The following FYB2 variants were observed in gnomAD, a reference collection of about 807,000 sequenced individuals.
FYB2 encodes the protein FYN-binding protein 2.
A neutral mutation model predicts 94.1 loss-of-function variants in FYB2; 103 were observed. The observed-to-expected ratio is 1.09, with a 90% confidence interval of 0.93 to 1.29. FYB2 has a LOEUF of 1.29. Ranked by LOEUF, FYB2 falls within the 50% of genes most tolerant of loss-of-function variation. FYB2 has a pLI of 0.00. For missense variants in FYB2, 896 were observed against 841.5 expected, an observed-to-expected ratio of 1.06 and a Z score of -0.80; for synonymous variants, 293 against 287.9, an observed-to-expected ratio of 1.02 and a Z score of -0.18.
intron 19 of FYB2, 75 bp from the exon 20 acceptor site, chr1:56,719,767 A>AGAAGTTTGATAGCATACTCAGGAGAGAC (rs1644450039): frequency 7.7e-7 from 1 of 1,298,524 alleles, no homozygotes. Flanking sequence ...ATTTCTAGGG[A>AGAAGTTTGATAGCATACTCAGGAGAGAC]ATTTCTGATC....
chr1:56,724,120 A>G (rs2275732), intron 16 of FYB2, among the ~76,000 whole-genome samples: 14,314 of 151,752 alleles, frequency 0.094, 1,525 homozygotes, highest in African/African-American at 0.26. Context: ...AGACTATTTA[A>G]TGGAAACCAG....
chr1:56,823,263 C>T (rs1487962302), upstream of FYB2, among the ~76,000 whole-genome samples: 1 of 151,912 alleles, frequency 6.6e-6, no homozygotes, highest in Non-Finnish European at 1.5e-5. Context: ...TCCTCCATTC[C>T]ATGGCGGCTG....
chr1:56,743,975 A>G, intron 11 of FYB2, 51 bp downstream of exon 11: 4 of 1,556,190 alleles, frequency 2.6e-6, no homozygotes, highest in Non-Finnish European at 3.5e-6. Flanking sequence ...CAGCCATAGA[A>G]GCATTCTGCA....
chr1:56,724,448 T>C (rs1644547257), intron 16 of FYB2, among the ~76,000 whole-genome samples: 1 of 151,870 alleles, frequency 6.6e-6, no homozygotes, highest in African/African-American at 2.4e-5. Context: ...TTAGTCTTAT[T>C]CCTAAGTGTC....
chr1:56,810,852 T>C (rs1433768366), intron 1 of FYB2, among the ~76,000 whole-genome samples: 2 of 152,350 alleles, frequency 1.3e-5, no homozygotes, highest in East Asian at 3.9e-4. Context: ...TTCTGATTTT[T>C]TGGAAGGGAG....
At chr1:56,763,961 T>A (rs1374683198) in intron 5 of FYB2, among the ~76,000 whole-genome samples, 2 of 152,036 alleles carry the variant, frequency 1.3e-5, no homozygotes, top group Non-Finnish European at 2.9e-5. Context: ...CTATTTTTTT[T>A]TTTTTTTAGA....
chr1:56,744,990 A>T (rs965751940), intron 9 of FYB2, among the ~76,000 whole-genome samples: 2 of 152,200 alleles, frequency 1.3e-5, no homozygotes, highest in Non-Finnish European at 2.9e-5. Flanking sequence ...ACTGGTATCT[A>T]TTAATTAAAT....
At chr1:56,795,296 C>T (rs1646370195) in intron 1 of FYB2, among the ~76,000 whole-genome samples, 1 of 151,528 alleles carries the variant, frequency 6.6e-6, no homozygotes, top group Admixed American at 6.6e-5. Context: ...CATGTTGAAG[C>T]ATGTGTTAGA....
At chr1:56,755,228 T>C (rs529191978) in intron 7 of FYB2, among the ~76,000 whole-genome samples, 110 of 152,104 alleles carry the variant, frequency 7.2e-4, no homozygotes, top group South Asian at 3.7e-3. Context: ...TGGCCCTACA[T>C]ACAAGGAGCT....
chr1:56,787,567 T>C (rs1196379756), intron 3 of FYB2, among the ~76,000 whole-genome samples: 2 of 152,242 alleles, frequency 1.3e-5, no homozygotes, highest in African/African-American at 4.8e-5. Flanking sequence ...CTTGGACATT[T>C]ACAGAGCACT....
At chr1:56,757,895 G>T (rs1193579494) in intron 6 of FYB2, among the ~76,000 whole-genome samples, 1 of 149,444 alleles carries the variant, frequency 6.7e-6, no homozygotes, top group Non-Finnish European at 1.5e-5. Flanking sequence ...TCAGCCTCTC[G>T]AGTAGCTGGG....
At position 56,720,104 on chromosome 1, in the gene FYB2, T is replaced by C. The variant is rs76825819; in HGVS notation, c.2132-49A>G. On this transcript the variant is annotated intron_variant, in intron 18 of 19. Transcript: ENST00000343433. ...TAATTTGAAAGTTATAGAGAAAATG[T>C]TTTTTTAAAGCATTTTAAGATTTTT... is the stretch of plus-strand genomic sequence containing the variant. 1,170 of 1,588,694 alleles carry C rather than the reference T, an allele frequency of 7.4e-4. 10 individuals carry two copies. The African/African-American group carries it at 0.014, about 19-fold the overall frequency.
intron 4 of FYB2, among the ~76,000 whole-genome samples, chr1:56,786,821 C>T (rs6658389): frequency 0.18 from 27,117 of 152,062 alleles, 2,846 homozygotes; most frequent in East Asian, 0.48. Context: ...ATAGAACATC[C>T]TTTATCCTAT....
chr1:56,757,687 C>CTTCTTTCT (rs1191302491), intron 6 of FYB2, among the ~76,000 whole-genome samples: 2,767 of 71,784 alleles, frequency 0.039, 87 homozygotes, highest in Non-Finnish European at 0.053. Context: ...TCCTTCCTTC[C>CTTCTTTCT]TTCTTTCTTT....
chr1:56,785,460 T>A (rs990300234), intron 4 of FYB2, among the ~76,000 whole-genome samples: 1 of 152,202 alleles, frequency 6.6e-6, no homozygotes, highest in African/African-American at 2.4e-5. Context: ...TAAATACGCA[T>A]AGAACACGTC....
chr1:56,819,484 G>T (rs141496515), upstream of FYB2: 5 of 722,102 alleles, frequency 6.9e-6, no homozygotes, highest in Admixed American at 5.3e-5. Flanking sequence ...GGCCAGGGCC[G>T]GCCGCCATCC....
the FYB2 span, chr1:56,825,019 G>T: frequency 2.0e-5 from 3 of 152,226 alleles, no homozygotes; most frequent in East Asian, 1.9e-4. Context: ...GTTTCCCATT[G>T]TCTCCTAGAG....
At chr1:56,729,154 TG>T (rs1296099806) in intron 15 of FYB2, among the ~76,000 whole-genome samples, 1 of 152,126 alleles carries the variant, frequency 6.6e-6, no homozygotes, top group Admixed American at 6.6e-5. Flanking sequence ...CTGAAAGTGA[TG>T]GTTAACCACC....
At chr1:56,777,626 T>C (rs929595164) in intron 4 of FYB2, among the ~76,000 whole-genome samples, 1 of 152,116 alleles carries the variant, frequency 6.6e-6, no homozygotes, top group African/African-American at 2.4e-5. Flanking sequence ...CCAACATTTA[T>C]TGAACAACTA....
Sources: gnomAD v4.1 joint callset for allele counts (sites outside exome capture counted in the v4.1 genomes callset) on GRCh38, gnomAD v4.1.1 for gene constraint, MANE v1.5 for transcripts, NCBI Gene and HGNC (gene_info 2026-07-23, HGNC 2026-07-21) for gene names.